Variants in R3HDM1 observed in about 807,000 individuals in gnomAD.
The protein encoded by R3HDM1 is R3H domain-containing protein 1.
Under a neutral mutation model 141.1 loss-of-function variants are expected in R3HDM1, and 46 were observed. The observed-to-expected ratio is 0.33, with a 90% CI of 0.26 to 0.42. The LOEUF is 0.42. R3HDM1 is among the 10% of genes least tolerant of loss of function. The probability of loss-of-function intolerance (pLI) is 1.00; values close to 1 mark genes in which losing one functional copy is unlikely to be tolerated. For synonymous variants in R3HDM1, 435 were observed against 472.9 expected (o/e 0.92, Z 1.04); for missense variants, 1,184 against 1,368.3 (o/e 0.87, Z 2.12).
intron 19 of R3HDM1, among the ~76,000 whole-genome samples, chr2:135,672,287 C>A (rs1438303): frequency 6.6e-6 from 1 of 152,066 alleles, no homozygotes; most frequent in Non-Finnish European, 1.5e-5. Flanking sequence ...TATCACTCTT[C>A]TATGTGTAAA....
At chr2:135,708,833 C>T (rs541117271) in intron 21 of R3HDM1, among the ~76,000 whole-genome samples, 2 of 151,918 alleles carry the variant, frequency 1.3e-5, no homozygotes, top group Admixed American at 1.3e-4. Context: ...GTGGCAGACA[C>T]CTGTAATCTC....
intron 1 of R3HDM1, among the ~76,000 whole-genome samples, chr2:135,559,493 A>G (rs1377953503): frequency 6.6e-6 from 1 of 152,146 alleles, no homozygotes; most frequent in African/African-American, 2.4e-5. Context: ...ATGGTAGAAA[A>G]TCACCAGGTC....
chr2:135,694,914 T>G (rs1487076614), intron 21 of R3HDM1, among the ~76,000 whole-genome samples: 2 of 152,140 alleles, frequency 1.3e-5, no homozygotes. Context: ...CAGTAATCAT[T>G]TGTAGTCCTA....
chr2:135,535,904 TG>T (rs1439166900), intron 1 of R3HDM1, among the ~76,000 whole-genome samples: 2 of 152,314 alleles, frequency 1.3e-5, no homozygotes, highest in African/African-American at 4.8e-5. Context: ...TCCAGCAATT[TG>T]GTTTTTTTAT....
chr2:135,703,021 G>A (rs1489997187), intron 21 of R3HDM1, among the ~76,000 whole-genome samples: 5 of 152,116 alleles, frequency 3.3e-5, no homozygotes, highest in Non-Finnish European at 7.4e-5. Flanking sequence ...TAATGCGCTG[G>A]TCAGAATATG....
chr2:135,675,225 C>G, intron 19 of R3HDM1, 107 bp from the exon 20 acceptor site: 1 of 1,173,358 alleles, frequency 8.5e-7, no homozygotes, highest in Non-Finnish European at 1.2e-6. Context: ...ACCATTTAAT[C>G]AAAATTTTAT....
chr2:135,565,359 A>T (rs1408276255), intron 1 of R3HDM1, among the ~76,000 whole-genome samples: 2 of 142,012 alleles, frequency 1.4e-5, no homozygotes, highest in African/African-American at 5.5e-5. Flanking sequence ...TATTATTATT[A>T]TTATTTTTAA....
At chr2:135,618,263 A>G (rs994751141) in intron 5 of R3HDM1, among the ~76,000 whole-genome samples, 5 of 151,204 alleles carry the variant, frequency 3.3e-5, no homozygotes, top group Non-Finnish European at 7.4e-5. Flanking sequence ...TCCCAGGTTC[A>G]AGCCATTCTG....
In R3HDM1 at chr2:135,586,802, G is replaced by A. The variant is rs13384007; in HGVS notation, c.-249-15698G>A. The A allele has an allele frequency of 3.4e-3, 3,344 of 985,034 alleles. 70 individuals are homozygous for A. The African/African-American group carries it at 0.053, about 16-fold the overall frequency. The allele number at this position is 985,034 out of a possible 1,614,324, so 61.0% of individuals were successfully genotyped here. A position where few individuals can be genotyped will look rare whatever the true frequency, so the allele number is the denominator to read the frequency against. ...TACTGATAGAATGGTTTACCTGTGT[G>A]CTAATTGGTATTTGTGTATAGCACA... On this transcript the variant is annotated intron_variant, in intron 1 of 26. Coordinates refer to ENST00000683871, the MANE Select transcript of R3HDM1 (RefSeq NM_001378107.1).
intron 24 of R3HDM1, 196 bp from the exon 25 acceptor site, chr2:135,721,728 C>T (rs1465661285): frequency 4.7e-6 from 2 of 424,288 alleles, no homozygotes; most frequent in Admixed American, 3.5e-5. Context: ...GCTAGAATTA[C>T]AGGCGCCCAC....
chr2:135,645,951 A>G (rs1025873842), intron 16 of R3HDM1, among the ~76,000 whole-genome samples: 8 of 152,116 alleles, frequency 5.3e-5, no homozygotes, highest in East Asian at 1.9e-4. Flanking sequence ...CATTCTACCT[A>G]CCCTATGAAA....
intron 1 of R3HDM1, among the ~76,000 whole-genome samples, chr2:135,580,394 A>G (rs1706538135): frequency 1.3e-5 from 2 of 152,214 alleles, no homozygotes; most frequent in African/African-American, 4.8e-5. Flanking sequence ...TTGAACTAAG[A>G]CTGAATAGAG....
chr2:135,572,523 A>G (rs766587109), intron 1 of R3HDM1, among the ~76,000 whole-genome samples: 10 of 152,232 alleles, frequency 6.6e-5, no homozygotes, highest in Non-Finnish European at 1.2e-4. Context: ...TGACTATAAT[A>G]AAACAACACA....
At chr2:135,586,473 T>G (rs900779362) in intron 1 of R3HDM1, 4 of 155,752 alleles carry the variant, frequency 2.6e-5, no homozygotes, top group African/African-American at 9.6e-5. Flanking sequence ...TCTCCTTAAC[T>G]CTGTATGATG....
intron 19 of R3HDM1, chr2:135,669,519 C>T: frequency 1.0e-6 from 1 of 984,818 alleles, no homozygotes; most frequent in Non-Finnish European, 1.2e-6. Flanking sequence ...CTTCATTAAC[C>T]AAAATTATCA....
intron 21 of R3HDM1, among the ~76,000 whole-genome samples, chr2:135,700,205 T>C (rs922607159): frequency 2.0e-5 from 3 of 152,198 alleles, no homozygotes; most frequent in African/African-American, 7.2e-5. Context: ...CTGGTAACCT[T>C]TGAATAGTTT....
At chr2:135,707,395 C>T (rs10197046) in intron 21 of R3HDM1, among the ~76,000 whole-genome samples, 129,241 of 152,196 alleles carry the variant, frequency 0.85, 57,629 homozygotes, top group Non-Finnish European at 0.98. Context: ...ATTATCTATA[C>T]GTCTCTCAGA....
chr2:135,650,414 C>T, intron 17 of R3HDM1: 1 of 984,614 alleles, frequency 1.0e-6, no homozygotes, highest in Non-Finnish European at 1.2e-6. Flanking sequence ...TGAGTTGTAG[C>T]TTACAGCTAC....
chr2:135,561,333 C>T (rs1333122315), intron 1 of R3HDM1: 2 of 983,390 alleles, frequency 2.0e-6, no homozygotes, highest in African/African-American at 3.5e-5. Flanking sequence ...TATTTTGTGG[C>T]AGCTTTTCAT....
Sources: gnomAD v4.1 joint callset for allele counts (sites outside exome capture counted in the v4.1 genomes callset) on GRCh38, gnomAD v4.1.1 for gene constraint, MANE v1.5 for transcripts, NCBI Gene and HGNC (gene_info 2026-07-23, HGNC 2026-07-21) for gene names.